Variants in SOX5 observed in about 807,000 individuals in gnomAD.
SOX5 encodes transcription factor SOX-5.
Under a neutral mutation model 92.0 loss-of-function variants are expected in SOX5, and 9 were observed. That is an observed-to-expected ratio of 0.10 (90% CI 0.06 to 0.17). The LOEUF (loss-of-function observed/expected upper bound fraction) is 0.17, where lower values mean the gene tolerates loss of function less well. Among genes scored for constraint, SOX5 ranks in the 10% least tolerant of loss-of-function variants. The pLI is 1.00. For synonymous variants in SOX5, 344 were observed against 336.3 expected, an observed-to-expected ratio of 1.02 and a Z score of -0.25; for missense variants, 642 against 944.5, an observed-to-expected ratio of 0.68 and a Z score of 4.20.
chr12:23,546,318 T>G lies in SOX5; in HGVS notation c.1595A>C (p.Asp532Ala). 1 of 1,537,826 alleles carries G rather than the reference T, an allele frequency of 6.5e-7. No homozygotes were observed. The highest frequency in any genetic ancestry group is 9.0e-7 in the Non-Finnish European group (1 of 1,112,980). Residue 532 changes from aspartate to alanine, a missense_variant and splice_region_variant, in exon 12 of 15, where the codon GAT becomes GCT. By Grantham distance (126) the Asp-to-Ala change is moderately radical. Transcript: ENST00000451604. ...ATGTATGAACAATTTTCACAAACCA[T>G]CAGAATCTCCACTCAGATTGAAATC... ...MMDFNLSGDS[D>A]GSAGVSESRI...
intron 3 of SOX5, among the ~76,000 whole-genome samples, chr12:23,824,135 T>C (rs926669073): frequency 6.6e-6 from 1 of 152,182 alleles, no homozygotes; most frequent in African/African-American, 2.4e-5. Flanking sequence ...TCAAATTCAT[T>C]CTCCATCCAG....
chr12:24,101,737 C>T (rs1946118533), intron 4 of SOX5, among the ~76,000 whole-genome samples: 1 of 152,140 alleles, frequency 6.6e-6, no homozygotes, highest in African/African-American at 2.4e-5. Context: ...CTGGTTCCTC[C>T]TACTATCCTA....
At chr12:24,488,060 AG>A (rs372975252) in intron 1 of SOX5, among the ~76,000 whole-genome samples, 21 of 152,212 alleles carry the variant, frequency 1.4e-4, no homozygotes, top group African/African-American at 5.1e-4. Flanking sequence ...AAATTAAAAC[AG>A]TTTTTCATTT....
At chr12:23,839,875 A>C (rs1352298622) in intron 3 of SOX5, among the ~76,000 whole-genome samples, 3 of 151,710 alleles carry the variant, frequency 2.0e-5, no homozygotes. Context: ...CATCATACTT[A>C]ATGGTGAGAA....
At chr12:23,879,649 G>C (rs2096965659) in intron 2 of SOX5, among the ~76,000 whole-genome samples, 1 of 152,128 alleles carries the variant, frequency 6.6e-6, no homozygotes, top group African/African-American at 2.4e-5. Flanking sequence ...ACAACATGCT[G>C]ACTTGGGGAA....
At chr12:23,724,308 C>T (rs762164755) in intron 6 of SOX5, among the ~76,000 whole-genome samples, 2 of 152,020 alleles carry the variant, frequency 1.3e-5, no homozygotes, top group South Asian at 2.1e-4. Flanking sequence ...ACACAGGCCT[C>T]AGTTCTATCA....
chr12:23,765,955 C>T, intron 3 of SOX5, among the ~76,000 whole-genome samples: 1 of 152,098 alleles, frequency 6.6e-6, no homozygotes, highest in Non-Finnish European at 1.5e-5. Flanking sequence ...GAAGATACAC[C>T]AATTGTGACC....
chr12:24,148,688 TAAAAAA>T (rs398018872), intron 4 of SOX5, among the ~76,000 whole-genome samples: 5 of 70,928 alleles, frequency 7.0e-5, no homozygotes, highest in Non-Finnish European at 8.9e-5. Flanking sequence ...CCATCTCTAC[TAAAAAA>T]AAAAAAAAAA....
chr12:23,659,553 T>G (rs1484607653), intron 7 of SOX5, among the ~76,000 whole-genome samples: 1 of 152,230 alleles, frequency 6.6e-6, no homozygotes, highest in Admixed American at 6.5e-5. Context: ...AAATGCAGAA[T>G]GAGGATGTGA....
Position 24,511,698 on chromosome 12 carries a change from T to C in SOX5, c.-251+50631A>G, listed in dbSNP as rs540882669. Among the ~76,000 whole-genome samples the C allele has an allele frequency of 1.3e-4, 20 of 152,164 alleles. No homozygotes were observed. The East Asian group carries it at 2.1e-3, about 16-fold the overall frequency. On this transcript the variant is annotated intron_variant, in intron 1 of 4. Coordinates refer to the SOX5 transcript ENST00000446891. ...TTGCGGCCGGGCGCAGTGGCTCACG[T>C]CTGTAATCCCAGCACTTTGGGAGGC...
chr12:23,579,185 G>T (rs769935500), intron 9 of SOX5, among the ~76,000 whole-genome samples: 2 of 152,112 alleles, frequency 1.3e-5, no homozygotes, highest in Non-Finnish European at 2.9e-5. Context: ...ACTATTCAAA[G>T]CATTTATTAG....
At chr12:24,300,158 T>C (rs539280916) in intron 2 of SOX5, among the ~76,000 whole-genome samples, 11 of 152,224 alleles carry the variant, frequency 7.2e-5, no homozygotes, top group South Asian at 2.1e-4. Context: ...ACGTCTTTAA[T>C]AGTCGACAAA....
chr12:24,361,956 A>G (rs1056956350), intron 2 of SOX5, among the ~76,000 whole-genome samples: 17 of 152,306 alleles, frequency 1.1e-4, no homozygotes, highest in African/African-American at 4.1e-4. Context: ...GACTGGAGTG[A>G]TCTCCCTTCC....
At chr12:23,994,777 C>A (rs1950881956) in intron 4 of SOX5, among the ~76,000 whole-genome samples, 1 of 152,060 alleles carries the variant, frequency 6.6e-6, no homozygotes, top group African/African-American at 2.4e-5. Flanking sequence ...ATGAGGTTTA[C>A]CAGCAAATTT....
chr12:24,192,381 C>A (rs1004674592), intron 4 of SOX5, among the ~76,000 whole-genome samples: 5 of 151,690 alleles, frequency 3.3e-5, no homozygotes, highest in African/African-American at 1.2e-4. Context: ...CTCTTTTAAC[C>A]CTGTAGGAAT....
At chr12:24,041,225 G>A (rs986253228) in intron 4 of SOX5, among the ~76,000 whole-genome samples, 2 of 152,068 alleles carry the variant, frequency 1.3e-5, no homozygotes, top group African/African-American at 4.8e-5. Flanking sequence ...TTTGAGTCCT[G>A]AGTTTTGCAT....
chr12:23,728,176 T>C lies in SOX5; in HGVS notation c.810+6508A>G, dbSNP rs148083969. On this transcript the variant is annotated intron_variant, in intron 6 of 14. Coordinates refer to ENST00000451604, the MANE Select transcript of SOX5 (RefSeq NM_006940.6). ...GAAAATACAAAGAAGAAAGTCATCC[T>C]TAAAGCTACTTCTTTATATCTCCAT... 2.1e-3 allele frequency among the ~76,000 whole-genome samples: 317 copies of C among 152,330 alleles called. 3 individuals are homozygous for C. Among genetic ancestry groups the C allele is most frequent in the African/African-American group, 7.1e-3 (297 of 41,578 alleles).
At chr12:24,333,286 T>G (rs948421609) in intron 2 of SOX5, among the ~76,000 whole-genome samples, 3 of 152,026 alleles carry the variant, frequency 2.0e-5, no homozygotes, top group Admixed American at 6.5e-5. Context: ...AGTAAATTTA[T>G]AACTATAATA....
chr12:24,000,152 T>C (rs1449364320), intron 4 of SOX5, among the ~76,000 whole-genome samples: 1 of 150,954 alleles, frequency 6.6e-6, no homozygotes, highest in African/African-American at 2.4e-5. Context: ...ATATATATAC[T>C]AGCAAAAAGG....
Sources: allele counts gnomAD v4.1 joint callset (sites outside exome capture counted in the v4.1 genomes callset), GRCh38; gene constraint gnomAD v4.1.1; transcripts MANE v1.5; gene names NCBI Gene and HGNC (gene_info 2026-07-23, HGNC 2026-07-21).